The following CACNB2 variants were observed in gnomAD, a reference collection of about 807,000 sequenced individuals.
The protein encoded by CACNB2 is calcium voltage-gated channel auxiliary subunit beta 2.
CACNB2 carries 42 observed loss-of-function variants against 73.3 expected under a neutral mutation model. The observed-to-expected ratio is 0.57, with a 90% CI of 0.45 to 0.74. The LOEUF is 0.74. CACNB2 is among the 30% of genes least tolerant of loss of function. The pLI is 0.00. For synonymous variants in CACNB2, 348 were observed against 310.3 expected (o/e 1.12, Z -1.28); for missense variants, 940 against 853.0 (o/e 1.10, Z -1.27).
intron 2 of CACNB2, among the ~76,000 whole-genome samples, chr10:18,163,143 A>G (rs780053790): frequency 2.0e-5 from 3 of 152,190 alleles, no homozygotes; most frequent in Non-Finnish European, 4.4e-5. Context: ...ATCATTTGAT[A>G]AAAGGTGGTA....
intron 2 of CACNB2, among the ~76,000 whole-genome samples, chr10:18,388,307 A>T (rs540499638): frequency 3.3e-5 from 5 of 152,354 alleles, no homozygotes; most frequent in African/African-American, 1.2e-4. Context: ...ATTTTCTAAT[A>T]TTAATATTAT....
chr10:18,400,958 C>T (rs2043963419), intron 2 of CACNB2: 2 of 1,609,502 alleles, frequency 1.2e-6, no homozygotes, highest in Non-Finnish European at 1.7e-6. Context: ...AGCTGGGGTT[C>T]TCCGGGGCTC....
chr10:18,376,718 G>A (rs1376786102), intron 2 of CACNB2, among the ~76,000 whole-genome samples: 1 of 152,120 alleles, frequency 6.6e-6, no homozygotes, highest in Non-Finnish European at 1.5e-5. Context: ...TCTTGGGGCA[G>A]ACATCTTTCC....
rs183076160 is a variant in CACNB2 at position 18,413,553 on chromosome 10, A to G, written c.333+11510A>G. On this transcript the variant is annotated intron_variant, in intron 3 of 13. Transcript: ENST00000324631. ...TTTCTTCTCTGCATTTTCCATTTCC[A>G]TTCTCATTACCTCCATCCTTCCAAA... 6.1e-3 allele frequency among the ~76,000 whole-genome samples: 932 copies of G among 152,108 alleles called. 2 individuals carry two copies. The highest frequency in any genetic ancestry group is 0.01 in the Non-Finnish European group (713 of 68,014).
chr10:18,472,827 C>T (rs1014725064), intron 3 of CACNB2, among the ~76,000 whole-genome samples: 1 of 152,106 alleles, frequency 6.6e-6, no homozygotes, highest in African/African-American at 2.4e-5. Context: ...TTCTTTATAC[C>T]TTGCTTCAAA....
chr10:18,256,341 T>A (rs1414389028), intron 2 of CACNB2, among the ~76,000 whole-genome samples: 18 of 152,246 alleles, frequency 1.2e-4, no homozygotes, highest in Non-Finnish European at 2.2e-4. Flanking sequence ...CTTGCTGAAG[T>A]TGAACTATTG....
chr10:18,159,074 G>A (rs1207826409), intron 2 of CACNB2, among the ~76,000 whole-genome samples: 1 of 151,710 alleles, frequency 6.6e-6, no homozygotes, highest in Non-Finnish European at 1.5e-5. Flanking sequence ...TTTTGAAAAT[G>A]TCTTCATTTT....
intron 2 of CACNB2, among the ~76,000 whole-genome samples, chr10:18,274,926 A>G (rs2038213209): frequency 1.3e-5 from 2 of 152,048 alleles, no homozygotes; most frequent in Non-Finnish European, 1.5e-5. Context: ...TTATTTTTCC[A>G]ATGAACTTAA....
At chr10:18,426,219 T>A (rs1023657058) in intron 3 of CACNB2, among the ~76,000 whole-genome samples, 2 of 152,252 alleles carry the variant, frequency 1.3e-5, no homozygotes. Context: ...ATGCCTTTGT[T>A]ATAATATTGA....
intron 2 of CACNB2, among the ~76,000 whole-genome samples, chr10:18,377,755 G>A (rs533909796): frequency 3.3e-5 from 5 of 152,232 alleles, no homozygotes; most frequent in South Asian, 4.1e-4. Context: ...CAGCAAAAAC[G>A]TTATGCTTTC....
At chr10:18,412,452 G>T (rs1051845807) in intron 3 of CACNB2, among the ~76,000 whole-genome samples, 1 of 151,920 alleles carries the variant, frequency 6.6e-6, no homozygotes, top group African/African-American at 2.4e-5. Context: ...ATCACCCCAG[G>T]CTTTATTCTC....
chr10:18,175,947 C>G (rs2131180265), intron 2 of CACNB2, among the ~76,000 whole-genome samples: 1 of 152,212 alleles, frequency 6.6e-6, no homozygotes, highest in African/African-American at 2.4e-5. Flanking sequence ...CTGTGGTGGT[C>G]AATAGAAAGA....
intron 2 of CACNB2, chr10:18,206,813 C>T (rs2035115621): frequency 1.3e-5 from 2 of 152,202 alleles, no homozygotes; most frequent in African/African-American, 4.8e-5. Context: ...TGAAGTAAGA[C>T]ATGCCAGTGT....
intron 2 of CACNB2, among the ~76,000 whole-genome samples, chr10:18,336,841 A>T (rs1329996481): frequency 6.6e-6 from 1 of 152,224 alleles, no homozygotes; most frequent in Non-Finnish European, 1.5e-5. Flanking sequence ...AGAAAATTAG[A>T]TAATCCTTGG....
intron 2 of CACNB2, among the ~76,000 whole-genome samples, chr10:18,277,867 A>G (rs2038367872): frequency 6.6e-6 from 1 of 152,150 alleles, no homozygotes; most frequent in African/African-American, 2.4e-5. Flanking sequence ...TTGATTCCTG[A>G]GTCAATCTGT....
chr10:18,205,821 C>T (rs1373465221), intron 2 of CACNB2, among the ~76,000 whole-genome samples: 1 of 152,104 alleles, frequency 6.6e-6, no homozygotes, highest in African/African-American at 2.4e-5. Flanking sequence ...GATCAGAAGT[C>T]AAGGAGGCAA....
At chr10:18,261,804 A>G (rs1470754584) in intron 2 of CACNB2, among the ~76,000 whole-genome samples, 1 of 152,192 alleles carries the variant, frequency 6.6e-6, no homozygotes, top group Non-Finnish European at 1.5e-5. Flanking sequence ...CAGCTGTTGC[A>G]ACAGCTTTAT....
chr10:18,297,849 C>T (rs1021723600), intron 2 of CACNB2, among the ~76,000 whole-genome samples: 6 of 152,194 alleles, frequency 3.9e-5, no homozygotes, highest in Non-Finnish European at 8.8e-5. Flanking sequence ...AGAAGTGCTT[C>T]ACCCTGCAGC....
intron 3 of CACNB2, among the ~76,000 whole-genome samples, chr10:18,473,660 G>A (rs952971035): frequency 5.3e-5 from 8 of 152,194 alleles, no homozygotes; most frequent in African/African-American, 1.4e-4. Flanking sequence ...CCAGAAATGC[G>A]TGCCTTCTCT....
Sources: gnomAD v4.1 joint callset for allele counts (sites outside exome capture counted in the v4.1 genomes callset) on GRCh38, gnomAD v4.1.1 for gene constraint, MANE v1.5 for transcripts, NCBI Gene and HGNC (gene_info 2026-07-23, HGNC 2026-07-21) for gene names.